Variants in TMEM232 observed in about 807,000 individuals in gnomAD.
The protein encoded by TMEM232 is transmembrane protein 232.
In TMEM232, 80 loss-of-function variants were observed where a neutral mutation model predicts 78.8. That is an observed-to-expected ratio of 1.01 (90% CI 0.85 to 1.22). The LOEUF (loss-of-function observed/expected upper bound fraction) is 1.22. TMEM232 is among the 50% of genes most tolerant of loss of function. TMEM232 has a pLI of 0.00. For synonymous variants in TMEM232, 297 were observed against 254.3 expected (o/e 1.17, Z -1.60); for missense variants, 881 against 742.2 (o/e 1.19, Z -2.17).
chr5:110,499,848 T>C (rs1251021487), intron 12 of TMEM232, among the ~76,000 whole-genome samples: 3 of 152,114 alleles, frequency 2.0e-5, no homozygotes, highest in Admixed American at 6.6e-5. Context: ...TTTTAAAATA[T>C]AGTCAATATA....
Position 110,537,144 on chromosome 5 carries a change from A to T in TMEM232, c.1456-8309T>A, listed in dbSNP as rs139932652. On this transcript the variant is annotated intron_variant, in intron 11 of 13. Transcript: ENST00000455884. ...AAAGTCCTCCTCTCTTTTCCAGACC[A>T]CTATGGGCAACTCTTCATCTATTCC... Among the ~76,000 whole-genome samples, 1,001 of 152,156 alleles carry T rather than the reference A, an allele frequency of 6.6e-3. 20 individuals are homozygous for T. The highest frequency in any genetic ancestry group is 0.022 in the African/African-American group (927 of 41,504).
At chr5:110,699,154 T>C (rs184340691) in intron 1 of TMEM232, among the ~76,000 whole-genome samples, 2 of 152,202 alleles carry the variant, frequency 1.3e-5, no homozygotes, top group East Asian at 3.9e-4. Context: ...GGTGGTCACC[T>C]AGCATTTGGA....
chr5:110,641,291 A>C (rs1308509172), intron 3 of TMEM232, among the ~76,000 whole-genome samples: 6 of 152,118 alleles, frequency 3.9e-5, no homozygotes, highest in African/African-American at 1.4e-4. Flanking sequence ...TTTTCCCCCA[A>C]GGGAATGCAT....
At chr5:110,392,118 A>T (rs1399421510) in intron 3 of TMEM232, among the ~76,000 whole-genome samples, 1 of 152,202 alleles carries the variant, frequency 6.6e-6, no homozygotes, top group African/African-American at 2.4e-5. Context: ...TACTTCTGAT[A>T]CTGAAAGGTA....
At chr5:110,501,544 C>T (rs1169972621) in intron 12 of TMEM232, among the ~76,000 whole-genome samples, 1 of 151,996 alleles carries the variant, frequency 6.6e-6, no homozygotes, top group Non-Finnish European at 1.5e-5. Flanking sequence ...TCAAGTGTAG[C>T]CTTAAGATGA....
At chr5:110,713,666 CTT>C (rs1796726145) in intron 1 of TMEM232, among the ~76,000 whole-genome samples, 2 of 152,166 alleles carry the variant, frequency 1.3e-5, no homozygotes, top group African/African-American at 2.4e-5. Context: ...ATAACAAAAA[CTT>C]GGCCTATAAA....
chr5:110,514,113 G>A (rs1768219854), intron 12 of TMEM232, among the ~76,000 whole-genome samples: 1 of 152,040 alleles, frequency 6.6e-6, no homozygotes, highest in Non-Finnish European at 1.5e-5. Flanking sequence ...TTATTTCTGT[G>A]CAGCTAACAA....
At chr5:110,529,709 A>G (rs1354789069) in intron 11 of TMEM232, among the ~76,000 whole-genome samples, 1 of 152,202 alleles carries the variant, frequency 6.6e-6, no homozygotes, top group Non-Finnish European at 1.5e-5. Context: ...TATTTAAGCA[A>G]TATTTATTCA....
At chr5:110,501,751 C>T (rs1766286983) in intron 12 of TMEM232, among the ~76,000 whole-genome samples, 1 of 152,084 alleles carries the variant, frequency 6.6e-6, no homozygotes, top group Non-Finnish European at 1.5e-5. Context: ...ATGGAAATAA[C>T]CCCTAAGACA....
intron 4 of TMEM232, among the ~76,000 whole-genome samples, chr5:110,639,578 A>G (rs1034914749): frequency 6.6e-6 from 1 of 152,144 alleles, no homozygotes; most frequent in Non-Finnish European, 1.5e-5. Flanking sequence ...CTAGACAGGA[A>G]CAAGGAAGAG....
At chr5:110,551,304 A>T (rs1260844389) in intron 11 of TMEM232, among the ~76,000 whole-genome samples, 2 of 152,090 alleles carry the variant, frequency 1.3e-5, no homozygotes, top group African/African-American at 2.4e-5. Context: ...GCTCACTGCA[A>T]CCTCTGCCCT....
chr5:110,692,143 G>C (rs1384915127), intron 1 of TMEM232, among the ~76,000 whole-genome samples: 2 of 152,032 alleles, frequency 1.3e-5, no homozygotes, highest in East Asian at 1.9e-4. Flanking sequence ...GGATGCTCTT[G>C]TACTCCGGAC....
At position 110,419,795 on chromosome 5, in the gene TMEM232, A is replaced by T. The variant is rs1756463628; in HGVS notation, c.*785T>A. Among the ~76,000 whole-genome samples, 1 of 152,134 alleles carries T rather than the reference A, an allele frequency of 6.6e-6. No individual in the cohort carries two copies. Among genetic ancestry groups the T allele is most frequent in the Non-Finnish European group, 1.5e-5 (1 of 67,974 alleles). On this transcript the variant is annotated 3_prime_UTR_variant, in exon 14 of 14. Transcript: ENST00000455884. ...ATTTTTCAGTTTTCAGGAAAGGAAT[A>T]TAAGACATCACAAAAACTCCACCCT...
At chr5:110,606,504 C>G (rs960867722) in intron 8 of TMEM232, among the ~76,000 whole-genome samples, 4 of 151,958 alleles carry the variant, frequency 2.6e-5, no homozygotes, top group Admixed American at 2.0e-4. Flanking sequence ...GAGTAGTGCT[C>G]TGACGAATCT....
At chr5:110,432,762 G>C (rs992921567) in intron 12 of TMEM232, among the ~76,000 whole-genome samples, 2 of 151,600 alleles carry the variant, frequency 1.3e-5, no homozygotes, top group African/African-American at 4.8e-5. Flanking sequence ...ATAATGATAT[G>C]CATGGGTTCA....
intron 12 of TMEM232, among the ~76,000 whole-genome samples, chr5:110,428,651 T>A (rs1404886715): frequency 6.6e-6 from 1 of 151,714 alleles, no homozygotes; most frequent in African/African-American, 2.4e-5. Context: ...CTGTCTTTTT[T>A]TTTTTTTCCC....
chr5:110,628,800 C>T (rs1268452575), intron 5 of TMEM232: 1 of 151,670 alleles, frequency 6.6e-6, no homozygotes, highest in African/African-American at 2.4e-5. Flanking sequence ...AATCTCAGTG[C>T]ATCATCCAAG....
At chr5:110,424,463 A>C (rs564525783) in intron 13 of TMEM232, among the ~76,000 whole-genome samples, 44 of 152,294 alleles carry the variant, frequency 2.9e-4, no homozygotes, top group African/African-American at 9.9e-4. Context: ...TGTCAAGGGT[A>C]AAGAACGGTC....
chr5:110,585,720 C>T (rs896299831), intron 10 of TMEM232, among the ~76,000 whole-genome samples: 16 of 152,126 alleles, frequency 1.1e-4, no homozygotes, highest in Non-Finnish European at 2.4e-4. Context: ...GACAGCTCAA[C>T]CCAAGGCTGC....
Sources: allele counts gnomAD v4.1 joint callset (sites outside exome capture counted in the v4.1 genomes callset), GRCh38; gene constraint gnomAD v4.1.1; transcripts MANE v1.5; gene names NCBI Gene and HGNC (gene_info 2026-07-23, HGNC 2026-07-21).